Variants in PCDHA6 observed in about 807,000 individuals in gnomAD.
PCDHA6 encodes protocadherin alpha-6.
Under a neutral mutation model 60.3 loss-of-function variants are expected in PCDHA6, and 55 were observed. The observed-to-expected ratio is 0.91, with a 90% CI of 0.73 to 1.14. The LOEUF (loss-of-function observed/expected upper bound fraction) is 1.14, where lower values mean the gene tolerates loss of function less well. Ranked by LOEUF, PCDHA6 falls within the 50% of genes most tolerant of loss-of-function variation. The probability of loss-of-function intolerance (pLI) is 0.00; values close to 1 mark genes in which losing one functional copy is unlikely to be tolerated. For missense variants in PCDHA6, 1,327 were observed against 1,256.5 expected (o/e 1.06, Z -0.85); for synonymous variants, 652 against 557.9 (o/e 1.17, Z -2.38).
At chr5:140,895,863 G>A (rs1450764434) in intron 1 of PCDHA6, among the ~76,000 whole-genome samples, 3 of 152,162 alleles carry the variant, frequency 2.0e-5, no homozygotes, top group African/African-American at 7.2e-5. Flanking sequence ...CCAGGCTGGA[G>A]TGCAATGGCG....
Position 140,887,400 on chromosome 5 carries a change from A to G in PCDHA6, c.2394+56915A>G, listed in dbSNP as rs563892577. Among the ~76,000 whole-genome samples, 411 of 152,184 alleles carry G rather than the reference A, an allele frequency of 2.7e-3. 1 individual carries two copies. The highest frequency in any genetic ancestry group is 4.5e-3 in the Non-Finnish European group (305 of 68,000). On this transcript the variant is annotated intron_variant, in intron 1 of 3. Transcript: ENST00000529310. ...TGTGAGCCACCGCGCCCGGCTCTTT[A>G]TCTCATTTTTATTTTTGAAAAAGTA...
chr5:140,877,146 GA>G (rs781877505), intron 1 of PCDHA6: 8 of 1,613,700 alleles, frequency 5.0e-6, no homozygotes, highest in Admixed American at 3.3e-5. Context: ...TGCTGGACGA[GA>G]ACGACAACGC....
At chr5:140,868,895 G>C in intron 1 of PCDHA6, 2 of 777,188 alleles carry the variant, frequency 2.6e-6, no homozygotes, top group Non-Finnish European at 4.0e-6. Flanking sequence ...TAGGCGCAAG[G>C]TGTCGCTCTT....
Position 140,848,663 on chromosome 5 carries a change from G to A in PCDHA6, c.2394+18178G>A, listed in dbSNP as rs2150416390. ...TCGCGCAGGACCTGGGGCTGGAGCT[G>A]GCGGAGCTGGTGCCGCGCCTGTTCC... On this transcript the variant is annotated intron_variant, in intron 1 of 3. Transcript: ENST00000529310. 3.8e-6 allele frequency: 6 copies of A among 1,592,360 alleles called. No homozygotes were observed. In the Admixed American group the frequency reaches 5.1e-5, roughly 13 times the overall value.
intron 1 of PCDHA6, chr5:140,870,246 C>T (rs782184125): frequency 1.9e-6 from 3 of 1,614,168 alleles, no homozygotes; most frequent in South Asian, 2.2e-5. Flanking sequence ...CAGGTGTCAA[C>T]GGACAGGTGA....
chr5:140,969,509 C>T (rs1554231905), intron 1 of PCDHA6: 1 of 1,416,140 alleles, frequency 7.1e-7, no homozygotes, highest in Non-Finnish European at 9.4e-7. Context: ...AAAAATAGCA[C>T]TAAAGAATTG....
chr5:140,892,461 G>A lies in PCDHA6; in HGVS notation c.2394+61976G>A, dbSNP rs187904355. On this transcript the variant is annotated intron_variant, in intron 1 of 3. Coordinates refer to ENST00000529310, the MANE Select transcript of PCDHA6 (RefSeq NM_018909.4). ...AAATTTACATGTATTCTTTAAGTAC[G>A]GTTATTCAGTTTCCTAGCCAAACAT... 2.1e-3 allele frequency among the ~76,000 whole-genome samples: 317 copies of A among 152,150 alleles called. 1 individual carries two copies. Among genetic ancestry groups the A allele is most frequent in the Non-Finnish European group, 3.5e-3 (237 of 68,004 alleles).
intron 1 of PCDHA6, chr5:140,868,884 T>G (rs2050712940): frequency 1.4e-6 from 1 of 728,466 alleles, no homozygotes; most frequent in South Asian, 2.1e-5. Context: ...ACTCACAGTT[T>G]TAGGCGCAAG....
intron 3 of PCDHA6, among the ~76,000 whole-genome samples, chr5:141,000,387 C>G (rs868946328): frequency 1.5e-5 from 1 of 66,898 alleles, no homozygotes. Context: ...CTCTCTCTCT[C>G]TCTCTCTCTA....
intron 1 of PCDHA6, among the ~76,000 whole-genome samples, chr5:140,880,783 G>A (rs1296382612): frequency 6.6e-6 from 1 of 152,154 alleles, no homozygotes; most frequent in Non-Finnish European, 1.5e-5. Flanking sequence ...GAATGTTAGA[G>A]GAGTAATATA....
intron 1 of PCDHA6, among the ~76,000 whole-genome samples, chr5:140,908,451 A>T (rs2073980523): frequency 6.6e-6 from 1 of 152,170 alleles, no homozygotes; most frequent in African/African-American, 2.4e-5. Context: ...TTATGGCTAG[A>T]TGGATCAGAA....
At chr5:140,968,236 T>C in intron 1 of PCDHA6, 1 of 1,614,006 alleles carries the variant, frequency 6.2e-7, no homozygotes, top group East Asian at 2.2e-5. Flanking sequence ...TGCTCTGTAC[T>C]GTGCAAGCCA....
intron 3 of PCDHA6, among the ~76,000 whole-genome samples, chr5:140,987,644 T>G (rs1461630900): frequency 6.6e-6 from 1 of 152,220 alleles, no homozygotes; most frequent in Non-Finnish European, 1.5e-5. Context: ...TGCACACATA[T>G]TGCAGAATCT....
intron 1 of PCDHA6, chr5:140,862,499 G>T (rs1581644581): frequency 2.5e-6 from 1 of 396,118 alleles, no homozygotes; most frequent in East Asian, 6.8e-5. Flanking sequence ...CGCTCGGAAT[G>T]GGGACTCGCT....
intron 1 of PCDHA6, chr5:140,841,795 C>T (rs2150322842): frequency 6.2e-7 from 1 of 1,613,824 alleles, no homozygotes; most frequent in Non-Finnish European, 8.5e-7. Context: ...AGGGCGCGTC[C>T]GATGCAGATG....
chr5:140,861,736 A>G (rs1380894393), intron 1 of PCDHA6: 2 of 188,606 alleles, frequency 1.1e-5, no homozygotes, highest in Non-Finnish European at 1.1e-5. Context: ...TGACTTACAT[A>G]CTGTGCCGCA....
Position 140,988,156 on chromosome 5 carries a change from C to T in PCDHA6, c.2542+5593C>T, listed in dbSNP as rs546335543. Among the ~76,000 whole-genome samples, 7 of 152,172 alleles carry T rather than the reference C, an allele frequency of 4.6e-5. No individual in the cohort carries two copies. The South Asian group carries it at 1.5e-3, about 32-fold the overall frequency. On this transcript the variant is annotated intron_variant, in intron 3 of 3. Coordinates refer to ENST00000529310, the MANE Select transcript of PCDHA6 (RefSeq NM_018909.4). ...TAACCTGTTCAACCTCAACTTCTGCCGTTGTCATAGCAATGACAGTCCTGG... is the reference window on the plus strand; with the variant it reads ...TAACCTGTTCAACCTCAACTTCTGCTGTTGTCATAGCAATGACAGTCCTGG...
chr5:140,881,012 G>C (rs1445864276), intron 1 of PCDHA6, among the ~76,000 whole-genome samples: 2 of 152,202 alleles, frequency 1.3e-5, no homozygotes, highest in Admixed American at 1.3e-4. Flanking sequence ...CAGAGCTATG[G>C]AAATAAACCC....
In PCDHA6 at chr5:140,829,448, C is replaced by G. The variant is rs1770312279; in HGVS notation, c.1357C>G (p.Pro453Ala). 1.9e-6 allele frequency: 3 copies of G among 1,613,964 alleles called. No individual in the cohort carries two copies. Reference sequence around the variant, plus strand: ...GGTGGCCGACATGAATGACAATGCTCCGGCGTTCGCGCAGCCCGAGTACAC... The same window carrying G: ...GGTGGCCGACATGAATGACAATGCTGCGGCGTTCGCGCAGCCCGAGTACAC... Reference protein sequence around the residue: ...VEVADMNDNAPAFAQPEYTVF... With the variant: ...VEVADMNDNAAAFAQPEYTVF... Residue 453 changes from proline (P) to alanine (A), a missense_variant, in exon 1 of 4, where the codon CCG (proline) becomes GCG (alanine). Physicochemically the swap from Pro to Ala is conservative, Grantham distance 27 (BLOSUM62 -1). Transcript: ENST00000529310.
Sources: gnomAD v4.1 joint callset for allele counts (sites outside exome capture counted in the v4.1 genomes callset) on GRCh38, gnomAD v4.1.1 for gene constraint, MANE v1.5 for transcripts, NCBI Gene and HGNC (gene_info 2026-07-23, HGNC 2026-07-21) for gene names.